Variants in SCRIB observed in about 807,000 individuals in gnomAD.
SCRIB encodes scribble planar cell polarity protein.
SCRIB carries 72 observed loss-of-function variants against 170.0 expected under a neutral mutation model. That is an observed-to-expected ratio of 0.42 (90% CI 0.35 to 0.52). The LOEUF (loss-of-function observed/expected upper bound fraction) is 0.52, where lower values mean the gene tolerates loss of function less well. SCRIB is among the 20% of genes least tolerant of loss of function. The pLI is 0.02. For missense variants in SCRIB, 2,475 were observed against 2,338.5 expected, an observed-to-expected ratio of 1.06 and a Z score of -1.20; for synonymous variants, 1,298 against 1,044.3, an observed-to-expected ratio of 1.24 and a Z score of -4.68.
Position 143,797,017 on chromosome 8 carries a change from G to A in SCRIB, c.3604-1487C>T, listed in dbSNP as rs1225653754. ...GGTCCCGAGATGACACCCCAAGAAC[G>A]CTGGGTCCAGGGCCAGACCACAGCT... On this transcript the variant is annotated intron_variant, in intron 24 of 36. Transcript: ENST00000356994. Among the ~76,000 whole-genome samples the A allele has an allele frequency of 2.6e-5, 4 of 152,180 alleles. No homozygotes were observed. In the South Asian group the frequency reaches 6.2e-4, roughly 24 times the overall value.
intron 15 of SCRIB, among the ~76,000 whole-genome samples, 161 bp from the exon 16 acceptor site, chr8:143,807,775 C>T (rs1180012689): frequency 1.3e-5 from 2 of 152,142 alleles, no homozygotes; most frequent in African/African-American, 4.8e-5. Flanking sequence ...GCGTGAGTGA[C>T]ACCACACACC....
intron 26 of SCRIB, 81 bp from the exon 27 acceptor site, chr8:143,795,193 T>C (rs1806314686): frequency 6.3e-7 from 1 of 1,598,868 alleles, no homozygotes; most frequent in Admixed American, 1.7e-5. Context: ...GAGGGGGTCC[T>C]GGGGGTTACT....
At chr8:143,806,511 G>C in intron 17 of SCRIB, 27 bp from the exon 18 acceptor site, 1 of 1,557,772 alleles carries the variant, frequency 6.4e-7, no homozygotes. Flanking sequence ...AGCTTGGCAG[G>C]GGCCAGGGAG....
At chr8:143,802,364 C>T (rs782765675) in intron 24 of SCRIB, among the ~76,000 whole-genome samples, 6 of 152,242 alleles carry the variant, frequency 3.9e-5, no homozygotes, top group Non-Finnish European at 8.8e-5. Context: ...CCCAGAGATC[C>T]CTTGCAGGAC....
intron 13 of SCRIB, 58 bp downstream of exon 13, chr8:143,810,421 C>T (rs572862130): frequency 3.1e-4 from 484 of 1,584,280 alleles, no homozygotes; most frequent in South Asian, 4.2e-4. Context: ...CAGGATGGAC[C>T]GGACCACCAC....
Position 143,804,985 on chromosome 8 carries a change from G to C in SCRIB, c.2700C>G (p.Gly900=). Residue 900 remains glycine (G), a synonymous_variant, in exon 20 of 37, where the codon GGC becomes GGG. Transcript: ENST00000356994. ...GTGTGCCCGCGCGGTGAGCAGCACC[G>C]CCCTCGGCAATGCGGGAGACGAAGA... is the stretch of plus-strand genomic sequence containing the variant. ...AGIFVSRIAE[G]GAAHRAGTLQ... is the part of the protein sequence containing the mutation. The C allele has an allele frequency of 6.3e-7, 1 of 1,584,756 alleles. No individual in the cohort carries two copies. Among genetic ancestry groups the C allele is most frequent in the Non-Finnish European group, 8.5e-7 (1 of 1,170,042 alleles).
chr8:143,802,137 C>G (rs1407433590), intron 24 of SCRIB, among the ~76,000 whole-genome samples: 1 of 152,234 alleles, frequency 6.6e-6, no homozygotes, highest in African/African-American at 2.4e-5. Context: ...GTCCAGAGCT[C>G]GAGTCCTCAG....
chr8:143,799,587 G>A (rs534842859), intron 24 of SCRIB, among the ~76,000 whole-genome samples: 6 of 152,304 alleles, frequency 3.9e-5, no homozygotes, highest in East Asian at 1.9e-4. Context: ...AGGGGTCGGC[G>A]CCGACCATGG....
At chr8:143,794,112 G>A (rs542564841) in intron 27 of SCRIB, 150 bp from the exon 28 acceptor site, 14 of 697,686 alleles carry the variant, frequency 2.0e-5, no homozygotes, top group Admixed American at 5.0e-5. Flanking sequence ...CCAGACACTC[G>A]GTCAGCACGG....
rs782562035 is a variant in SCRIB at position 143,806,452 on chromosome 8, G to C, written c.2301C>G (p.Gly767=). 1 of 1,605,198 alleles carries C rather than the reference G, an allele frequency of 6.2e-7. No homozygotes were observed. The highest frequency in any genetic ancestry group is 1.3e-5 in the African/African-American group (1 of 74,694). Residue 767 remains glycine (G), a synonymous_variant, in exon 18 of 37, where the codon GGC becomes GGG. Transcript: ENST00000356994. The part of the protein sequence containing the change: ...GIFISRVSEE[G]PAARAGVRVG... ...CACGGACTCCAGCCCGGGCCGCAGG[G>C]CCTTCCTCGGACACCCGAGAGATGA...
rs201962721 is a variant in SCRIB at position 143,792,363 on chromosome 8, C to T, written c.4371G>A (p.Pro1457=). Reference sequence around the variant, plus strand: ...GCCGTTCAGCTTTGGCCGTCCGCACCGGGGCGCCACCTCCCAGGGGTGGGG... The same window carrying T: ...GCCGTTCAGCTTTGGCCGTCCGCACTGGGGCGCCACCTCCCAGGGGTGGGG... ...ASPPPLGGGA[P]VRTAKAERRH... Residue 1457 remains proline, a synonymous_variant, in exon 32 of 37, where the codon CCG becomes CCA. Coordinates refer to ENST00000356994, the MANE Select transcript of SCRIB (RefSeq NM_182706.5). 356 of 1,528,814 alleles carry T rather than the reference C, an allele frequency of 2.3e-4. 1 individual carries two copies. In the East Asian group the frequency reaches 5.6e-3, roughly 24 times the overall value. The allele number at this position is 1,528,814 out of a possible 1,614,324, so 94.7% of individuals were successfully genotyped here.
At chr8:143,793,658 G>C (rs916821619) in intron 28 of SCRIB, 7 of 488,882 alleles carry the variant, frequency 1.4e-5, no homozygotes, top group Non-Finnish European at 1.5e-5. Flanking sequence ...TCAGGAGCTT[G>C]AGCCCCTCCA....
rs538757774 is a variant in SCRIB at position 143,803,916 on chromosome 8, G to A, written c.3145C>T (p.Arg1049Cys). Reference sequence around the variant, plus strand: ...CGGTCCCCAACCCGCAGGCCGCTGCGAGCGGCCAGGCCCCGCGGGAGCACC... The same window carrying A: ...CGGTCCCCAACCCGCAGGCCGCTGCAAGCGGCCAGGCCCCGCGGGAGCACC... ...SKVLPRGLAA[R>C]SGLRVGDRIL... Residue 1049 changes from arginine (R) to cysteine (C), a missense_variant, in exon 23 of 37, where the codon CGC (arginine) becomes TGC (cysteine). Around this residue, in one of 3 missense-constraint regions of SCRIB, gnomAD observed 1,966 missense variants for 1,742.9 expected, o/e 1.13. Transcript: ENST00000356994. The A allele has an allele frequency of 2.8e-5, 44 of 1,588,732 alleles. No individual in the cohort carries two copies. The East Asian group carries it at 3.6e-4, about 13-fold the overall frequency.
At chr8:143,803,308 CGA>C in intron 24 of SCRIB, 73 bp downstream of exon 24, 7 of 1,394,410 alleles carry the variant, frequency 5.0e-6, no homozygotes, top group Admixed American at 2.5e-5. Context: ...TCGCCTGCCC[CGA>C]GAGGTGTCAG....
intron 34 of SCRIB, 54 bp downstream of exon 34, chr8:143,791,821 GA>G (rs147743847): frequency 6.2e-6 from 9 of 1,448,608 alleles, no homozygotes; most frequent in Admixed American, 2.1e-5. Context: ...GGGCAGGCCA[GA>G]CCCCACCCCC....
At chr8:143,805,561 GGCGCTGACATCACCCGAGACCTTTA>G in intron 18 of SCRIB, 126 bp from the exon 19 acceptor site, 1 of 989,244 alleles carries the variant, frequency 1.0e-6, no homozygotes, top group Non-Finnish European at 1.4e-6. Flanking sequence ...AAAGGCCCCA[GGCGCTGACATCACCCGAGACCTTTA>G]GCCACAAGGT....
chr8:143,804,784 G>T lies in SCRIB; in HGVS notation c.2793C>A (p.Ala931=). Residue 931 remains alanine, a synonymous_variant, in exon 21 of 37, where the codon GCC becomes GCA. Transcript: ENST00000356994. ...GGGAGGCAGCGGTCAGCAGGGAGAC[G>T]GCGTGGTCATGCCTGGCCTCAGTCA... ...VDVTEARHDH[A]VSLLTAASPT... The T allele has an allele frequency of 6.2e-7, 1 of 1,600,782 alleles. No individual in the cohort carries two copies.
chr8:143,805,521 G>A (rs1587531033), intron 18 of SCRIB, 86 bp from the exon 19 acceptor site: 1 of 1,315,110 alleles, frequency 7.6e-7, no homozygotes, highest in South Asian at 1.6e-5. Context: ...CTCCCTCCAG[G>A]ATGGGGAGAC....
intron 20 of SCRIB, 53 bp downstream of exon 20, chr8:143,804,881 C>A (rs1374636949): frequency 7.1e-6 from 2 of 282,402 alleles, no homozygotes; most frequent in Non-Finnish European, 9.4e-6. Context: ...ACAGAGGGCG[C>A]GGGGCGGGGC....
Sources: allele counts gnomAD v4.1 joint callset (sites outside exome capture counted in the v4.1 genomes callset), GRCh38; gene constraint gnomAD v4.1.1; regional missense constraint gnomAD v4.1.1; transcripts MANE v1.5; gene names NCBI Gene and HGNC (gene_info 2026-07-23, HGNC 2026-07-21).